The following NDST3 variants were observed in gnomAD, a reference collection of about 807,000 sequenced individuals.
NDST3 encodes bifunctional heparan sulfate N-deacetylase/N-sulfotransferase 3.
In NDST3, 58 loss-of-function variants were observed where a neutral mutation model predicts 96.1. The observed-to-expected ratio is 0.60, with a 90% confidence interval of 0.49 to 0.75. The LOEUF (loss-of-function observed/expected upper bound fraction) is 0.75, where lower values mean the gene tolerates loss of function less well. NDST3 is among the 30% of genes least tolerant of loss of function. NDST3 has a pLI of 0.00. For synonymous variants in NDST3, 333 were observed against 359.7 expected (o/e 0.93, Z 0.84); for missense variants, 788 against 1,034.2 (o/e 0.76, Z 3.27).
chr4:118,170,268 C>T (rs1735848151), intron 6 of NDST3, among the ~76,000 whole-genome samples: 3 of 152,140 alleles, frequency 2.0e-5, no homozygotes, highest in African/African-American at 7.2e-5. Context: ...ATAGATGATA[C>T]TGAATTAATA....
At chr4:118,039,961 G>A (rs1040900418) in intron 1 of NDST3, among the ~76,000 whole-genome samples, 12 of 152,178 alleles carry the variant, frequency 7.9e-5, no homozygotes, top group African/African-American at 2.9e-4. Flanking sequence ...ATCATTGACA[G>A]GATCTCAGCT....
intron 9 of NDST3, among the ~76,000 whole-genome samples, chr4:118,236,607 C>A (rs1304104343): frequency 1.3e-5 from 2 of 152,184 alleles, no homozygotes; most frequent in Admixed American, 1.3e-4. Flanking sequence ...GAAATTATTT[C>A]ACTTGCAATA....
rs755198077 is a variant in NDST3, at chr4:118,232,678, GAAAAGGAAAGAAAC to G, written c.1820-330_1820-317del. On this transcript the variant is annotated intron_variant, in intron 8 of 13. Coordinates refer to ENST00000296499, the MANE Select transcript of NDST3 (RefSeq NM_004784.3). Reference sequence around the variant, plus strand: ...GAGAGAAAGAAGGAAAGAAAGAAAAGAAAAGGAAAGAAACAAAGAAAGAAAGAAAAGATAAAAAG... The same window carrying G: ...GAGAGAAAGAAGGAAAGAAAGAAAAGAAAGAAAGAAAGAAAAGATAAAAAG... Among the ~76,000 whole-genome samples, 250 of 145,076 alleles carry G rather than the reference GAAAAGGAAAGAAAC, an allele frequency of 1.7e-3. 1 individual carries two copies. The highest frequency in any genetic ancestry group is 2.9e-3 in the Non-Finnish European group (186 of 65,130).
chr4:118,250,836 T>C (rs1481365558), intron 12 of NDST3, among the ~76,000 whole-genome samples: 1 of 152,096 alleles, frequency 6.6e-6, no homozygotes, highest in Non-Finnish European at 1.5e-5. Context: ...TTATAGTGAG[T>C]TATATATTCC....
intron 12 of NDST3, among the ~76,000 whole-genome samples, chr4:118,246,505 C>A (rs1416542683): frequency 6.6e-6 from 1 of 152,076 alleles, no homozygotes; most frequent in Non-Finnish European, 1.5e-5. Flanking sequence ...ACTTGGGAGG[C>A]TGAGGCAGGA....
At chr4:118,158,696 G>A (rs1734876274) in intron 6 of NDST3, among the ~76,000 whole-genome samples, 2 of 152,164 alleles carry the variant, frequency 1.3e-5, no homozygotes, top group Admixed American at 6.6e-5. Context: ...AGAGAAATCT[G>A]ACAGTTTCTT....
At chr4:118,209,835 C>G (rs1453197030) in intron 6 of NDST3, among the ~76,000 whole-genome samples, 3 of 152,086 alleles carry the variant, frequency 2.0e-5, no homozygotes, top group Admixed American at 6.5e-5. Flanking sequence ...ATTGAGCTTT[C>G]CTTTGAGATT....
chr4:118,135,696 A>T (rs1733021639), intron 4 of NDST3, among the ~76,000 whole-genome samples: 3 of 152,142 alleles, frequency 2.0e-5, no homozygotes, highest in Non-Finnish European at 4.4e-5. Flanking sequence ...CTACTATGCC[A>T]CACTGCACCA....
chr4:118,127,722 G>A (rs1229944340), intron 4 of NDST3, among the ~76,000 whole-genome samples: 1 of 151,836 alleles, frequency 6.6e-6, no homozygotes, highest in Admixed American at 6.6e-5. Context: ...TGTATATTTT[G>A]TGAAAAATAT....
intron 6 of NDST3, among the ~76,000 whole-genome samples, chr4:118,157,081 A>G (rs1422145826): frequency 6.6e-6 from 1 of 152,142 alleles, no homozygotes. Context: ...TCCATAAGAG[A>G]CTAGTTAAAA....
At position 118,253,487 on chromosome 4, in the gene NDST3, T is replaced by C. The variant is rs1202376368; in HGVS notation, c.2400-12T>C. On this transcript the variant is annotated splice_polypyrimidine_tract_variant and intron_variant, in intron 12 of 13. Transcript: ENST00000296499. ...TTTCTGGTTTTTCTGTGTGTATTCT[T>C]TTTTTTTTTAGGTTTGATTCTCATA... is the stretch of plus-strand genomic sequence containing the variant. 11 of 867,362 alleles carry C rather than the reference T, an allele frequency of 1.3e-5. No homozygotes were observed. Among genetic ancestry groups the C allele is most frequent in the Non-Finnish European group, 1.2e-5 (8 of 672,200 alleles). 53.7% of individuals were successfully genotyped at this position (867,362 alleles called of 1,614,324 possible). A position where few individuals can be genotyped will look rare whatever the true frequency, so the allele number is the denominator to read the frequency against.
At chr4:118,233,417 A>G (rs1740438855) in intron 9 of NDST3, among the ~76,000 whole-genome samples, 1 of 152,182 alleles carries the variant, frequency 6.6e-6, no homozygotes, top group Admixed American at 6.5e-5. Flanking sequence ...GAATAGCATA[A>G]TATTCAGAAA....
chr4:118,210,479 T>C (rs1738714658), intron 6 of NDST3, among the ~76,000 whole-genome samples: 1 of 152,056 alleles, frequency 6.6e-6, no homozygotes, highest in Non-Finnish European at 1.5e-5. Context: ...AGGATCCTTT[T>C]AAAAGGGACC....
At chr4:118,120,151 A>G (rs927308244) in intron 4 of NDST3, among the ~76,000 whole-genome samples, 2 of 152,182 alleles carry the variant, frequency 1.3e-5, no homozygotes, top group Admixed American at 1.3e-4. Context: ...AGCTCTTAAG[A>G]TTCTATCATT....
chr4:118,143,237 C>CT (rs555941369), intron 5 of NDST3, among the ~76,000 whole-genome samples: 3 of 151,314 alleles, frequency 2.0e-5, no homozygotes, highest in African/African-American at 7.3e-5. Context: ...ATTTTTACTT[C>CT]TTTTTTTTTA....
At chr4:118,040,562 T>C (rs1724386097) in intron 1 of NDST3, among the ~76,000 whole-genome samples, 2 of 152,144 alleles carry the variant, frequency 1.3e-5, no homozygotes, top group African/African-American at 4.8e-5. Context: ...ACCCTTAGTG[T>C]ACTTTCATTG....
intron 6 of NDST3, among the ~76,000 whole-genome samples, chr4:118,177,070 A>G (rs1736325872): frequency 6.6e-6 from 1 of 152,094 alleles, no homozygotes; most frequent in Admixed American, 6.6e-5. Context: ...AAATCAGGTG[A>G]TAGAACCAAG....
rs567761021 is a variant in NDST3 at position 118,111,235 on chromosome 4, T to C, written c.1070-3571T>C. On this transcript the variant is annotated intron_variant, in intron 3 of 13. Coordinates refer to ENST00000296499, the MANE Select transcript of NDST3 (RefSeq NM_004784.3). Reference sequence around the variant, plus strand: ...TGTACTATGCTCACTATCTGAGTGATAGGATCTTTCATATCCCAAACCTCA... The same window carrying C: ...TGTACTATGCTCACTATCTGAGTGACAGGATCTTTCATATCCCAAACCTCA... 2.4e-4 allele frequency among the ~76,000 whole-genome samples: 37 copies of C among 152,282 alleles called. 1 individual carries two copies. The highest frequency in any genetic ancestry group is 9.7e-4 in the East Asian group (5 of 5,176).
intron 6 of NDST3, among the ~76,000 whole-genome samples, chr4:118,185,448 A>T (rs1432465091): frequency 2.7e-5 from 4 of 150,026 alleles, no homozygotes; most frequent in Admixed American, 6.7e-5. Context: ...AATAATATGT[A>T]TATTATACAT....
Sources: gnomAD v4.1 joint callset for allele counts (sites outside exome capture counted in the v4.1 genomes callset) on GRCh38, gnomAD v4.1.1 for gene constraint, MANE v1.5 for transcripts, NCBI Gene and HGNC (gene_info 2026-07-23, HGNC 2026-07-21) for gene names.